Variants in CNTN4 observed in about 807,000 individuals in gnomAD.
CNTN4 encodes contactin-4.
CNTN4 carries 77 observed loss-of-function variants against 122.5 expected under a neutral mutation model. The observed-to-expected ratio is 0.63, with a 90% CI of 0.52 to 0.76. CNTN4 has a LOEUF of 0.76. Ranked by LOEUF, CNTN4 falls within the 30% of genes least tolerant of loss-of-function variation. The probability of loss-of-function intolerance (pLI) is 0.00; values close to 1 mark genes in which losing one functional copy is unlikely to be tolerated. For synonymous variants in CNTN4, 512 were observed against 447.0 expected (o/e 1.15, Z -1.83); for missense variants, 1,256 against 1,259.1 (o/e 1.00, Z 0.04).
intron 14 of CNTN4, among the ~76,000 whole-genome samples, chr3:2,996,192 A>G (rs1484238568): frequency 1.3e-5 from 2 of 152,086 alleles, no homozygotes; most frequent in African/African-American, 2.4e-5. Context: ...ATATATATTC[A>G]TGGGGGGAAA....
At chr3:2,490,303 T>C (rs2076280144) in intron 3 of CNTN4, among the ~76,000 whole-genome samples, 1 of 152,150 alleles carries the variant, frequency 6.6e-6, no homozygotes, top group Admixed American at 6.5e-5. Flanking sequence ...TCACGCCCAC[T>C]CTCATGGTTT....
At chr3:2,389,673 A>G (rs543758813) in intron 3 of CNTN4, among the ~76,000 whole-genome samples, 2 of 152,240 alleles carry the variant, frequency 1.3e-5, no homozygotes, top group Non-Finnish European at 1.5e-5. Context: ...TCCTTCATTG[A>G]TGTATCCCCA....
chr3:2,817,504 A>C (rs2092764571), intron 6 of CNTN4, among the ~76,000 whole-genome samples: 1 of 152,244 alleles, frequency 6.6e-6, no homozygotes, highest in African/African-American at 2.4e-5. Context: ...TCAAATGCCT[A>C]AAACTTGTAG....
At chr3:2,217,916 A>T (rs2038914581) in intron 2 of CNTN4, among the ~76,000 whole-genome samples, 1 of 152,334 alleles carries the variant, frequency 6.6e-6, no homozygotes, top group African/African-American at 2.4e-5. Flanking sequence ...AATAAATCAA[A>T]CGTAGATCTA....
intron 2 of CNTN4, among the ~76,000 whole-genome samples, chr3:2,130,786 C>CG (rs1193914388): frequency 6.6e-6 from 1 of 152,116 alleles, no homozygotes. Flanking sequence ...TTATCTGAAG[C>CG]CCTTGGGGTC....
At chr3:2,590,488 C>G (rs541052184) in intron 4 of CNTN4, among the ~76,000 whole-genome samples, 12 of 151,990 alleles carry the variant, frequency 7.9e-5, no homozygotes, top group East Asian at 5.9e-4. Flanking sequence ...AACTCCTAAC[C>G]TCAAGTGATC....
chr3:2,813,689 C>T (rs919998849), intron 6 of CNTN4, among the ~76,000 whole-genome samples: 5 of 152,064 alleles, frequency 3.3e-5, no homozygotes, highest in Non-Finnish European at 2.9e-5. Flanking sequence ...TTCTTATTTA[C>T]TGTTATTACT....
At chr3:3,045,228 G>A (rs1378546044) in intron 23 of CNTN4, among the ~76,000 whole-genome samples, 1 of 152,226 alleles carries the variant, frequency 6.6e-6, no homozygotes, top group Non-Finnish European at 1.5e-5. Flanking sequence ...ACAAAAGGCA[G>A]CAGAAACCTC....
chr3:2,938,619 C>T (rs1286561795), intron 13 of CNTN4, among the ~76,000 whole-genome samples: 3 of 152,148 alleles, frequency 2.0e-5, no homozygotes, highest in South Asian at 2.1e-4. Context: ...ATAAAGCTTT[C>T]GTTACCTCCC....
At chr3:2,746,592 T>G (rs2149564047) in intron 6 of CNTN4, among the ~76,000 whole-genome samples, 1 of 152,354 alleles carries the variant, frequency 6.6e-6, no homozygotes, top group African/African-American at 2.4e-5. Context: ...GCAGTGAATT[T>G]TGGCATTAGC....
intron 6 of CNTN4, 106 bp from the exon 7 acceptor site, chr3:2,819,380 C>A: frequency 1.2e-6 from 1 of 838,504 alleles, no homozygotes. Context: ...TGGGTGCTAC[C>A]AACGCAGTTT....
At chr3:2,618,502 A>G (rs950606029) in intron 4 of CNTN4, among the ~76,000 whole-genome samples, 8 of 152,162 alleles carry the variant, frequency 5.3e-5, no homozygotes, top group African/African-American at 1.9e-4. Context: ...CCATATGTAC[A>G]TGTATATACA....
At chr3:2,409,348 G>GGCC (rs1372934189) in intron 3 of CNTN4, among the ~76,000 whole-genome samples, 3 of 151,012 alleles carry the variant, frequency 2.0e-5, no homozygotes, top group South Asian at 2.1e-4. Context: ...CCCGGGTTCA[G>GGCC]GCCATTCTCC....
chr3:2,669,766 G>T (rs1205936296), intron 4 of CNTN4, among the ~76,000 whole-genome samples: 2 of 152,180 alleles, frequency 1.3e-5, no homozygotes, highest in African/African-American at 4.8e-5. Context: ...TCCTTTAAAT[G>T]TGTCCCAGAG....
intron 3 of CNTN4, among the ~76,000 whole-genome samples, chr3:2,466,966 C>A (rs371764125): frequency 1.7e-5 from 2 of 117,762 alleles, no homozygotes; most frequent in African/African-American, 6.3e-5. Flanking sequence ...TTCTTTCTTT[C>A]TTTCTTTTTT....
intron 13 of CNTN4, among the ~76,000 whole-genome samples, chr3:2,940,666 G>C (rs1241906616): frequency 1.3e-5 from 2 of 152,130 alleles, no homozygotes; most frequent in Admixed American, 6.6e-5. Flanking sequence ...ATTATTGTGG[G>C]AAATGATGAG....
At chr3:2,364,570 G>C (rs1575467771) in intron 3 of CNTN4, among the ~76,000 whole-genome samples, 1 of 151,938 alleles carries the variant, frequency 6.6e-6, no homozygotes, top group Non-Finnish European at 1.5e-5. Flanking sequence ...AGCCATTCTA[G>C]ATCTCTTTTA....
chr3:2,364,279 C>G (rs4234547), intron 3 of CNTN4, among the ~76,000 whole-genome samples: 87,466 of 151,894 alleles, frequency 0.58, 25,492 homozygotes, highest in Middle Eastern at 0.67. Context: ...GTTGTTGTCT[C>G]GATATTTATA....
rs73112779 is a variant in CNTN4 at position 2,882,887 on chromosome 3, T to C, written c.653-258T>C. On this transcript the variant is annotated intron_variant, in intron 8 of 24. Transcript: ENST00000418658. Reference sequence around the variant, plus strand: ...CCTTAAGACTACCTTAAAACAATACTTTTGAGGGGCAAAGTTGTATGCATG... The same window carrying C: ...CCTTAAGACTACCTTAAAACAATACCTTTGAGGGGCAAAGTTGTATGCATG... The C allele has an allele frequency of 5.8e-4, 237 of 410,312 alleles. 1 individual carries two copies. The highest frequency in any genetic ancestry group is 4.4e-3 in the African/African-American group (217 of 48,818). 25.4% of individuals were successfully genotyped at this position (410,312 alleles called of 1,614,324 possible). A position where few individuals can be genotyped will look rare whatever the true frequency, so the allele number is the denominator to read the frequency against.
Sources: allele counts gnomAD v4.1 joint callset (sites outside exome capture counted in the v4.1 genomes callset), GRCh38; gene constraint gnomAD v4.1.1; transcripts MANE v1.5; gene names NCBI Gene and HGNC (gene_info 2026-07-23, HGNC 2026-07-21).